CREB3L1: variants seen among roughly 807,000 people sequenced by gnomAD.
CREB3L1 encodes cyclic AMP-responsive element-binding protein 3-like protein 1.
A neutral mutation model predicts 54.5 loss-of-function variants in CREB3L1; 33 were observed. The observed-to-expected ratio is 0.61, with a 90% CI of 0.46 to 0.81. CREB3L1 has a LOEUF of 0.81. CREB3L1 is among the 30% of genes least tolerant of loss of function. The pLI, the probability that CREB3L1 is intolerant of heterozygous loss-of-function variation, is 0.00. For missense variants in CREB3L1, 656 were observed against 673.3 expected (o/e 0.97, Z 0.29); for synonymous variants, 284 against 286.4 (o/e 0.99, Z 0.08).
intron 1 of CREB3L1, among the ~76,000 whole-genome samples, chr11:46,290,437 G>A (rs374767050): frequency 6.6e-6 from 1 of 152,038 alleles, no homozygotes; most frequent in African/African-American, 2.4e-5. Context: ...GATGCCCAGA[G>A]CCCCACTCAC....
intron 1 of CREB3L1, among the ~76,000 whole-genome samples, chr11:46,284,191 A>C (rs1939021086): frequency 1.3e-5 from 2 of 152,172 alleles, no homozygotes; most frequent in Non-Finnish European, 2.9e-5. Context: ...CGAATGAGAG[A>C]GACAGAGAGG....
chr11:46,316,288 C>T lies in CREB3L1; in HGVS notation c.1034C>T (p.Thr345Ile). The T allele has an allele frequency of 6.4e-7, 1 of 1,559,606 alleles. No homozygotes were observed. The highest frequency in any genetic ancestry group is 1.2e-5 in the South Asian group (1 of 84,478). The change falls in exon 9 of 12, where the codon ACC becomes ATC. Residue 345 changes from threonine to isoleucine, a missense_variant and splice_region_variant. By Grantham distance (89) the Thr-to-Ile change is moderately conservative. This residue lies in a region of CREB3L1 where 77 missense variants were observed against 122.0 expected (regional missense o/e 0.63). Coordinates refer to ENST00000621158, the MANE Select transcript of CREB3L1 (RefSeq NM_052854.4). Reference sequence around the variant, plus strand: ...GCTGACTGCTGTGCCCTCCTCAGGACCCTGCTCCAGCAGCTGCAGAAACTC... The same window carrying T: ...GCTGACTGCTGTGCCCTCCTCAGGATCCTGCTCCAGCAGCTGCAGAAACTC... The part of the protein sequence containing the change: ...KVETLENANR[T>I]LLQQLQKLQT...
intron 1 of CREB3L1, among the ~76,000 whole-genome samples, chr11:46,296,375 A>C (rs1939211106): frequency 6.6e-6 from 1 of 151,876 alleles, no homozygotes; most frequent in African/African-American, 2.4e-5. Flanking sequence ...TCACCAGCTC[A>C]CTTTGCAGCC....
At chr11:46,307,081 G>A (rs1939407967) in intron 2 of CREB3L1, among the ~76,000 whole-genome samples, 2 of 151,972 alleles carry the variant, frequency 1.3e-5, no homozygotes, top group Non-Finnish European at 2.9e-5. Context: ...CTTTCACCAT[G>A]TTGTCCAGGC....
At chr11:46,287,710 G>T (rs572015411) in intron 1 of CREB3L1, among the ~76,000 whole-genome samples, 1 of 152,222 alleles carries the variant, frequency 6.6e-6, no homozygotes, top group South Asian at 2.1e-4. Context: ...AGGTGCGGTG[G>T]TTCACGCCTG....
intron 9 of CREB3L1, among the ~76,000 whole-genome samples, chr11:46,316,891 A>C (rs1034547798): frequency 4.6e-5 from 7 of 151,964 alleles, no homozygotes; most frequent in African/African-American, 1.7e-4. Context: ...CGGCCCTCCG[A>C]GACCCTCGAG....
chr11:46,317,228 G>A (rs935495985), intron 9 of CREB3L1, 133 bp from the exon 10 acceptor site: 87 of 1,169,744 alleles, frequency 7.4e-5, no homozygotes, highest in Middle Eastern at 2.1e-4. Context: ...GGGAGTGGTC[G>A]ACTGGAGCAG....
At chr11:46,309,090 A>G (rs765424439) in intron 3 of CREB3L1, among the ~76,000 whole-genome samples, 1 of 152,208 alleles carries the variant, frequency 6.6e-6, no homozygotes, top group African/African-American at 2.4e-5. Context: ...AAGGCACAGG[A>G]GCTGGCATTG....
intron 1 of CREB3L1, among the ~76,000 whole-genome samples, chr11:46,297,051 G>C (rs567060680): frequency 6.6e-6 from 1 of 152,310 alleles, no homozygotes; most frequent in South Asian, 2.1e-4. Flanking sequence ...GCAGCTGCTG[G>C]AGAAATACCT....
At chr11:46,287,851 C>T (rs915788676) in intron 1 of CREB3L1, among the ~76,000 whole-genome samples, 30 of 151,804 alleles carry the variant, frequency 2.0e-4, no homozygotes, top group African/African-American at 6.8e-4. Context: ...TGGTGTGCAC[C>T]TGTAATCCCA....
At chr11:46,317,234 A>G (rs1372450691) in intron 9 of CREB3L1, 127 bp from the exon 10 acceptor site, 5 of 1,229,864 alleles carry the variant, frequency 4.1e-6, no homozygotes, top group Non-Finnish European at 5.8e-6. Context: ...GGTCGACTGG[A>G]GCAGCTGCTT....
intron 1 of CREB3L1, among the ~76,000 whole-genome samples, chr11:46,282,670 G>C (rs1938997805): frequency 6.6e-6 from 1 of 151,934 alleles, no homozygotes; most frequent in African/African-American, 2.4e-5. Flanking sequence ...GGACCCCCCT[G>C]TTCTTTTCTG....
At chr11:46,298,074 C>T (rs149998665) in intron 1 of CREB3L1, among the ~76,000 whole-genome samples, 19 of 152,290 alleles carry the variant, frequency 1.2e-4, no homozygotes, top group African/African-American at 4.1e-4. Flanking sequence ...AGTTAAGCAA[C>T]TTAGCAAGTG....
intron 1 of CREB3L1, among the ~76,000 whole-genome samples, chr11:46,287,992 G>A (rs1053171943): frequency 6.6e-5 from 10 of 151,804 alleles, no homozygotes; most frequent in Middle Eastern, 6.8e-3. Context: ...AAAAAATCAC[G>A]TCATGGAGAA....
chr11:46,300,520 T>C (rs2136345828), intron 2 of CREB3L1, among the ~76,000 whole-genome samples: 1 of 152,362 alleles, frequency 6.6e-6, no homozygotes, highest in Non-Finnish European at 1.5e-5. Flanking sequence ...GTGATTCTGA[T>C]GCACACTCAG....
rs1938899882 is a variant in CREB3L1, at chr11:46,277,971, C to T, written c.-141C>T. 1 of 427,428 alleles carries T rather than the reference C, an allele frequency of 2.3e-6. No homozygotes were observed. The highest frequency in any genetic ancestry group is 3.6e-5 in the East Asian group (1 of 27,622). The allele number at this position is 427,428 out of a possible 1,614,324, so 26.5% of individuals were successfully genotyped here. On this transcript the variant is annotated 5_prime_UTR_variant, in exon 1 of 12. Coordinates refer to ENST00000621158, the MANE Select transcript of CREB3L1 (RefSeq NM_052854.4). ...CCCCCACCCGGGGCCGCGCCGCCTC[C>T]GTCCGCCCCTCCCCCGGGGCTTCGC... is the stretch of plus-strand genomic sequence containing the variant.
chr11:46,311,405 C>G (rs1939483728), intron 5 of CREB3L1, among the ~76,000 whole-genome samples: 1 of 152,190 alleles, frequency 6.6e-6, no homozygotes, highest in African/African-American at 2.4e-5. Flanking sequence ...TCAATCTCGG[C>G]TCACTGAAAC....
chr11:46,313,177 C>G (rs1939516973), intron 8 of CREB3L1, among the ~76,000 whole-genome samples: 1 of 152,154 alleles, frequency 6.6e-6, no homozygotes, highest in South Asian at 2.1e-4. Flanking sequence ...CTCAGACCAG[C>G]AACAATCCCT....
chr11:46,279,289 G>A (rs1038224260), intron 1 of CREB3L1, among the ~76,000 whole-genome samples: 2 of 152,086 alleles, frequency 1.3e-5, no homozygotes, highest in Non-Finnish European at 2.9e-5. Context: ...GAGGACTTGA[G>A]CATCTTGGAC....
Sources: gnomAD v4.1 joint callset for allele counts (sites outside exome capture counted in the v4.1 genomes callset) on GRCh38, gnomAD v4.1.1 for gene constraint, gnomAD v4.1.1 regional missense constraint, MANE v1.5 for transcripts, NCBI Gene and HGNC (gene_info 2026-07-23, HGNC 2026-07-21) for gene names.